Variants in TG observed in about 807,000 individuals in gnomAD.
TG encodes the protein thyroid hormones.
In TG, 270 loss-of-function variants were observed where a neutral mutation model predicts 324.7. That is an observed-to-expected ratio of 0.83 (90% confidence interval 0.75 to 0.92). TG has a LOEUF of 0.92. Ranked by LOEUF, TG falls within the 40% of genes least tolerant of loss-of-function variation. The pLI, the probability that TG is intolerant of heterozygous loss-of-function variation, is 0.00. For missense variants in TG, 3,591 were observed against 3,456.4 expected, an observed-to-expected ratio of 1.04 and a Z score of -0.98; for synonymous variants, 1,401 against 1,327.0, an observed-to-expected ratio of 1.06 and a Z score of -1.21.
At chr8:133,009,672 C>T (rs1291546150) in intron 35 of TG, among the ~76,000 whole-genome samples, 3 of 151,828 alleles carry the variant, frequency 2.0e-5, no homozygotes, top group African/African-American at 7.3e-5. Flanking sequence ...GGGTGCAGAG[C>T]CTCATGATGG....
intron 18 of TG, 21 bp downstream of exon 18, chr8:132,908,361 A>G (rs1818987024): frequency 2.0e-6 from 3 of 1,519,238 alleles, no homozygotes; most frequent in Non-Finnish European, 2.7e-6. Context: ...GGCCTTCCCC[A>G]CAGTGAGGGC....
chr8:133,068,966 T>C (rs767250914), intron 41 of TG, among the ~76,000 whole-genome samples: 1 of 152,248 alleles, frequency 6.6e-6, no homozygotes, highest in Non-Finnish European at 1.5e-5. Context: ...CTAGATCATA[T>C]AAGCAGGCTG....
chr8:132,963,049 A>G lies in TG; in HGVS notation c.5523A>G (p.Pro1841=), dbSNP rs1330794183. Residue 1841 remains proline, a synonymous_variant, in exon 29 of 48, where the codon CCA becomes CCG. Coordinates refer to ENST00000220616, the MANE Select transcript of TG (RefSeq NM_003235.5). ...TGGGATGTAGAAAAGACACAGTGCCAAGGCCAGCATCTCCAACAGAAGCAG... is the reference window on the plus strand; with the variant it reads ...TGGGATGTAGAAAAGACACAGTGCCGAGGCCAGCATCTCCAACAGAAGCAG... The part of the protein sequence containing the change: ...ESMGCRKDTV[P]RPASPTEAGL... The G allele has an allele frequency of 6.2e-7, 1 of 1,614,022 alleles. No individual in the cohort carries two copies.
In TG at chr8:132,900,299, A is replaced by G; in HGVS notation, c.3393A>G (p.Ser1131=). ...GAGTWCVDPA[S]GEELRPGSSS... Reference sequence around the variant, plus strand: ...GCACCTGGTGTGTGGACCCTGCATCAGGAGAAGAGTTGCGGCCTGGCTCGA... The same window carrying G: ...GCACCTGGTGTGTGGACCCTGCATCGGGAGAAGAGTTGCGGCCTGGCTCGA... The change falls in exon 15 of 48, where the codon TCA becomes TCG. Residue 1131 remains serine, a synonymous_variant. Transcript: ENST00000220616. 6.2e-7 allele frequency: 1 copy of G among 1,614,014 alleles called. No homozygotes were observed. Among genetic ancestry groups the G allele is most frequent in the Non-Finnish European group, 8.5e-7 (1 of 1,179,968 alleles).
At chr8:132,879,124 GAGA>G (rs1399734515) in intron 5 of TG, among the ~76,000 whole-genome samples, 61 of 152,318 alleles carry the variant, frequency 4.0e-4, no homozygotes, top group African/African-American at 1.4e-3. Context: ...TATTATTTTG[GAGA>G]AGGAGTCCAA....
intron 26 of TG, 152 bp from the exon 27 acceptor site, chr8:132,948,624 A>G (rs761298384): frequency 1.1e-6 from 1 of 941,848 alleles, no homozygotes; most frequent in Non-Finnish European, 1.7e-6. Flanking sequence ...GATTGTCTCA[A>G]TTTAAAACCA....
rs1043963042 is a variant in TG, at chr8:132,881,892, C to T, written c.668C>T (p.Ser223Phe). 1 of 1,613,950 alleles carries T rather than the reference C, an allele frequency of 6.2e-7. No individual in the cohort carries two copies. The highest frequency in any genetic ancestry group is 8.5e-7 in the Non-Finnish European group (1 of 1,179,912). ...RFPDAFVTFS[S>F]FQRRFPEVSG... ...CCAGATGCATTTGTGACCTTCAGTT[C>T]CTTCCAGAGGAGGTTCCCTGAGGTA... The change falls in exon 6 of 48, where the codon TCC (serine) becomes TTC (phenylalanine). Residue 223 changes from serine to phenylalanine, a missense_variant. Ser to Phe is a radical substitution (Grantham distance 155). Coordinates refer to ENST00000220616, the MANE Select transcript of TG (RefSeq NM_003235.5).
intron 34 of TG, among the ~76,000 whole-genome samples, chr8:132,973,648 A>T (rs1398848614): frequency 1.3e-5 from 2 of 152,210 alleles, no homozygotes; most frequent in Non-Finnish European, 2.9e-5. Context: ...CACCGCTTAC[A>T]TCACATGTGT....
chr8:133,029,752 C>A, intron 40 of TG, 69 bp from the exon 41 acceptor site: 1 of 1,598,032 alleles, frequency 6.3e-7, no homozygotes, highest in Non-Finnish European at 8.6e-7. Context: ...CTGCCATAGA[C>A]AGCACCATGA....
intron 45 of TG, among the ~76,000 whole-genome samples, chr8:133,123,330 T>C (rs1485791100): frequency 6.6e-6 from 1 of 151,956 alleles, no homozygotes; most frequent in African/African-American, 2.4e-5. Flanking sequence ...GAGGGGTGGT[T>C]TCAGTGCTTC....
At chr8:133,012,349 TCA>T (rs1439113261) in intron 36 of TG, among the ~76,000 whole-genome samples, 1 of 152,186 alleles carries the variant, frequency 6.6e-6, no homozygotes, top group African/African-American at 2.4e-5. Flanking sequence ...GCAGCTGACC[TCA>T]GTTAGCAGGT....
intron 41 of TG, among the ~76,000 whole-genome samples, chr8:133,067,888 ATGTATGG>A (rs1344188872): frequency 7.5e-4 from 2 of 2,680 alleles, no homozygotes; most frequent in Non-Finnish European, 3.6e-3. Context: ...GGAAGGAAGT[ATGTATGG>A]AAGGAAGGAA....
Position 133,073,902 on chromosome 8 carries a change from C to CTA in TG, c.7240-21139_7240-21138dup, listed in dbSNP as rs1483209331. On this transcript the variant is annotated intron_variant, in intron 41 of 47. Transcript: ENST00000220616. ...TCAAAAGCAAATAACAATCACAATC[C>CTA]TATAGGATTGTTCTGAGGATTGCAG... Among the ~76,000 whole-genome samples, 6 of 152,200 alleles carry CTA rather than the reference C, an allele frequency of 3.9e-5. 1 individual carries two copies. The East Asian group carries it at 1.2e-3, about 29-fold the overall frequency.
intron 41 of TG, among the ~76,000 whole-genome samples, chr8:133,088,095 C>T (rs1846896802): frequency 2.0e-5 from 3 of 152,200 alleles, no homozygotes; most frequent in Admixed American, 2.0e-4. Flanking sequence ...GAGGCGAGAG[C>T]TCTGTCTTAA....
chr8:133,101,223 C>A (rs1360470927), intron 43 of TG, among the ~76,000 whole-genome samples: 2 of 152,202 alleles, frequency 1.3e-5, no homozygotes, highest in South Asian at 2.1e-4. Flanking sequence ...CCACACAGAA[C>A]TGCAAGAGGG....
chr8:133,001,774 G>T lies in TG; in HGVS notation c.6263-10127G>T, dbSNP rs556833989. On this transcript the variant is annotated intron_variant, in intron 35 of 47. Transcript: ENST00000220616. ...TCACTTCTATTCTGCTTATCACAGG[G>T]ATCATGAAGGTTTGCTGGGGGCCTG... 21 of 985,440 alleles carry T rather than the reference G, an allele frequency of 2.1e-5. No individual in the cohort carries two copies. The South Asian group carries it at 8.9e-4, about 42-fold the overall frequency. 61.0% of individuals were successfully genotyped at this position (985,440 alleles called of 1,614,324 possible). A position where few individuals can be genotyped will look rare whatever the true frequency, so the allele number is the denominator to read the frequency against.
At chr8:133,112,088 T>C (rs12674648) in intron 43 of TG, among the ~76,000 whole-genome samples, 3 of 36,958 alleles carry the variant, frequency 8.1e-5, no homozygotes, top group African/African-American at 2.1e-4. Flanking sequence ...CCAGGAGTGG[T>C]TGTGTTCACC....
intron 41 of TG, chr8:133,050,279 A>T: frequency 2.2e-6 from 1 of 450,134 alleles, no homozygotes. Flanking sequence ...GAGGCTTTTT[A>T]AAAATAAATG....
intron 20 of TG, among the ~76,000 whole-genome samples, chr8:132,918,766 C>G (rs853306): frequency 6.6e-6 from 1 of 152,020 alleles, no homozygotes; most frequent in Non-Finnish European, 1.5e-5. Context: ...GATAACTTCC[C>G]CATAGGGTTG....
Sources: gnomAD v4.1 joint callset for allele counts (sites outside exome capture counted in the v4.1 genomes callset) on GRCh38, gnomAD v4.1.1 for gene constraint, MANE v1.5 for transcripts, NCBI Gene and HGNC (gene_info 2026-07-23, HGNC 2026-07-21) for gene names.